The following KCNMA1 variants were observed in gnomAD, a reference collection of about 807,000 sequenced individuals.
KCNMA1 encodes the protein potassium calcium-activated channel subfamily M alpha 1.
KCNMA1 carries 29 observed loss-of-function variants against 140.0 expected under a neutral mutation model. The observed-to-expected ratio is 0.21, with a 90% CI of 0.15 to 0.28. The LOEUF (loss-of-function observed/expected upper bound fraction) is 0.28, where lower values mean the gene tolerates loss of function less well. Ranked by LOEUF, KCNMA1 falls within the 10% of genes least tolerant of loss-of-function variation. The pLI is 1.00. For missense variants in KCNMA1, 880 were observed against 1,602.2 expected (o/e 0.55, Z 7.70); for synonymous variants, 612 against 611.9 (o/e 1.00, Z 0.00).
chr10:77,239,527 C>A (rs1219964171), intron 3 of KCNMA1, among the ~76,000 whole-genome samples: 3 of 152,168 alleles, frequency 2.0e-5, no homozygotes, highest in Non-Finnish European at 4.4e-5. Flanking sequence ...GGTCCTGGAG[C>A]CCTACCTACT....
At chr10:77,613,654 C>A (rs1351143563) in intron 1 of KCNMA1, among the ~76,000 whole-genome samples, 1 of 152,184 alleles carries the variant, frequency 6.6e-6, no homozygotes, top group East Asian at 1.9e-4. Flanking sequence ...AAACTATAAT[C>A]ACTCTGTTCT....
intron 2 of KCNMA1, among the ~76,000 whole-genome samples, chr10:77,286,322 TGCCAAAGTTTAGA>T (rs1346183222): frequency 6.6e-6 from 1 of 152,186 alleles, no homozygotes; most frequent in Admixed American, 6.5e-5. Flanking sequence ...GGAGGCTGAT[TGCCAAAGTTTAGA>T]GAGGTGTTAA....
chr10:76,915,826 T>A (rs776845988), intron 23 of KCNMA1, among the ~76,000 whole-genome samples: 7 of 152,162 alleles, frequency 4.6e-5, no homozygotes, highest in Non-Finnish European at 7.4e-5. Context: ...GAAGAGATTC[T>A]CTTTTAATTT....
At chr10:77,117,039 T>A (rs1596310765) in intron 6 of KCNMA1, among the ~76,000 whole-genome samples, 2 of 152,174 alleles carry the variant, frequency 1.3e-5, no homozygotes, top group African/African-American at 4.8e-5. Flanking sequence ...TAAGTTCATG[T>A]CAGTAGTAAT....
intron 25 of KCNMA1, among the ~76,000 whole-genome samples, chr10:76,898,887 T>C (rs1320427774): frequency 6.6e-6 from 1 of 151,890 alleles, no homozygotes; most frequent in African/African-American, 2.4e-5. Context: ...AAGTGTCAGT[T>C]AATGAATTAG....
intron 20 of KCNMA1, among the ~76,000 whole-genome samples, chr10:76,968,424 T>G (rs940857216): frequency 6.6e-6 from 1 of 152,226 alleles, no homozygotes; most frequent in African/African-American, 2.4e-5. Flanking sequence ...AGCCATACTT[T>G]ACATAGCAAA....
At chr10:77,063,755 C>T in intron 14 of KCNMA1, 1 of 985,318 alleles carries the variant, frequency 1.0e-6, no homozygotes, top group Non-Finnish European at 1.2e-6. Context: ...CAGTGGATGG[C>T]ACTCAAAAAA....
intron 2 of KCNMA1, among the ~76,000 whole-genome samples, chr10:77,344,004 C>A (rs1351783711): frequency 6.6e-6 from 1 of 152,228 alleles, no homozygotes; most frequent in African/African-American, 2.4e-5. Context: ...TGCACTGCAA[C>A]CCTGGAAGCC....
intron 1 of KCNMA1, among the ~76,000 whole-genome samples, chr10:77,436,997 C>CACACACACACACACACACAA (rs59376789): frequency 7.9e-6 from 1 of 126,866 alleles, no homozygotes; most frequent in African/African-American, 2.8e-5. Flanking sequence ...CACACACACA[C>CACACACACACACACACACAA]TCCTTCAGCC....
intron 25 of KCNMA1, chr10:76,905,160 A>G (rs2047299805): frequency 6.6e-6 from 1 of 152,248 alleles, no homozygotes; most frequent in South Asian, 2.1e-4. Flanking sequence ...GTAGATGTAG[A>G]CTGCAATGTG....
intron 1 of KCNMA1, among the ~76,000 whole-genome samples, chr10:77,530,443 G>T (rs2057326065): frequency 6.6e-6 from 1 of 152,138 alleles, no homozygotes; most frequent in Non-Finnish European, 1.5e-5. Context: ...GTCTCTTCTA[G>T]CTCTTAGGTT....
At chr10:77,082,042 T>A (rs1212971168) in intron 12 of KCNMA1, among the ~76,000 whole-genome samples, 1 of 125,396 alleles carries the variant, frequency 8.0e-6, no homozygotes, top group African/African-American at 2.9e-5. Context: ...TTTTTTTTTT[T>A]AAGACGGAGC....
chr10:77,410,062 G>A (rs1006913689), intron 1 of KCNMA1, among the ~76,000 whole-genome samples: 1 of 152,142 alleles, frequency 6.6e-6, no homozygotes, highest in Non-Finnish European at 1.5e-5. Flanking sequence ...GGGCTGCTCT[G>A]GAGAAAGAAG....
rs1555197593 is a variant in KCNMA1 at position 77,068,698 on chromosome 10, T to TTTTGTGTG, written c.1749+4398_1749+4399insCACACAAA. ...TGGAGAGCATACTGTGTTCCAGGTTTTGTGTGTGTGTGTGTGTGTGTGTGT... is the reference window on the plus strand; with the variant it reads ...TGGAGAGCATACTGTGTTCCAGGTTTTTTGTGTGTGTGTGTGTGTGTGTGTGTGTGTGT... On this transcript the variant is annotated intron_variant, in intron 14 of 27. Coordinates refer to ENST00000286628, the MANE Select transcript of KCNMA1 (RefSeq NM_001161352.2). 3.0e-5 allele frequency among the ~76,000 whole-genome samples: 4 copies of TTTTGTGTG among 132,576 alleles called. No individual in the cohort carries two copies. In the South Asian group the frequency reaches 8.1e-4, roughly 27 times the overall value. The allele number at this position is 132,576 out of a possible 152,430, so 87.0% of individuals were successfully genotyped here.
chr10:77,103,852 C>G (rs981064879), intron 9 of KCNMA1, among the ~76,000 whole-genome samples: 2 of 152,170 alleles, frequency 1.3e-5, no homozygotes, highest in Non-Finnish European at 2.9e-5. Context: ...GAGGAGACAG[C>G]CCCAAAGTGA....
chr10:77,553,036 C>CA (rs934769090), intron 1 of KCNMA1, among the ~76,000 whole-genome samples: 14 of 141,796 alleles, frequency 9.9e-5, no homozygotes, highest in Non-Finnish European at 2.0e-4. Flanking sequence ...GACCCTGTCT[C>CA]AAAAAAACAA....
intron 2 of KCNMA1, among the ~76,000 whole-genome samples, chr10:77,314,990 T>C (rs951125515): frequency 9.9e-5 from 15 of 151,780 alleles, no homozygotes; most frequent in Non-Finnish European, 7.4e-5. Context: ...ACCTTTACTA[T>C]ATATAATGGG....
chr10:77,605,464 C>A (rs534224276), intron 1 of KCNMA1, among the ~76,000 whole-genome samples: 152 of 152,348 alleles, frequency 1.0e-3, no homozygotes, highest in African/African-American at 3.6e-3. Context: ...CTGTTCATCT[C>A]ATGCTTTCTC....
At chr10:77,531,485 C>G (rs1473870310) in intron 1 of KCNMA1, among the ~76,000 whole-genome samples, 1 of 152,186 alleles carries the variant, frequency 6.6e-6, no homozygotes, top group Non-Finnish European at 1.5e-5. Context: ...CCACTCCAGG[C>G]AACGCTGGGT....
Sources: allele counts gnomAD v4.1 joint callset (sites outside exome capture counted in the v4.1 genomes callset), GRCh38; gene constraint gnomAD v4.1.1; transcripts MANE v1.5; gene names NCBI Gene and HGNC (gene_info 2026-07-23, HGNC 2026-07-21).